The following SLIT3 variants were observed in gnomAD, a reference collection of about 807,000 sequenced individuals.
The protein encoded by SLIT3 is slit homolog 3 protein.
SLIT3 carries 68 observed loss-of-function variants against 184.0 expected under a neutral mutation model. That is an observed-to-expected ratio of 0.37 (90% CI 0.30 to 0.45). SLIT3 has a LOEUF of 0.45. Ranked by LOEUF, SLIT3 falls within the 20% of genes least tolerant of loss-of-function variation. SLIT3 has a pLI of 1.00. For missense variants in SLIT3, 1,707 were observed against 2,026.0 expected (o/e 0.84, Z 3.02); for synonymous variants, 831 against 828.6 (o/e 1.00, Z -0.05).
At chr5:168,752,335 C>A (rs11739018) in intron 18 of SLIT3, 40,121 of 152,392 alleles carry the variant, frequency 0.26, 5,766 homozygotes, top group African/African-American at 0.36. Flanking sequence ...TCAACAGCTA[C>A]CTCCCACTTA....
chr5:169,200,267 C>G lies in SLIT3; in HGVS notation c.342-6717G>C, dbSNP rs533346699. The stretch of plus-strand genomic sequence containing the variant: ...GGGCTGTCAGCTGCCCAATCAGGCC[C>G]GAGGGAGGAAGAAAGTCAAAGTGTG... On this transcript the variant is annotated intron_variant, in intron 3 of 35. Transcript: ENST00000519560. Among the ~76,000 whole-genome samples, 160 of 152,302 alleles carry G rather than the reference C, an allele frequency of 1.1e-3. 2 individuals are homozygous for G. Among genetic ancestry groups the G allele is most frequent in the Non-Finnish European group, 8.8e-5 (6 of 68,022 alleles).
chr5:169,257,529 C>T (rs551102953), intron 1 of SLIT3, among the ~76,000 whole-genome samples: 44 of 140,632 alleles, frequency 3.1e-4, no homozygotes, highest in African/African-American at 1.1e-3. Flanking sequence ...GCTTTCTATG[C>T]CTCCTTTTTT....
chr5:168,961,886 A>ATG (rs1223714757), intron 4 of SLIT3, among the ~76,000 whole-genome samples: 1 of 126,550 alleles, frequency 7.9e-6, no homozygotes, highest in African/African-American at 3.2e-5. Context: ...GTGTGTGTGT[A>ATG]TGTGTGAAAG....
intron 4 of SLIT3, among the ~76,000 whole-genome samples, chr5:168,887,301 T>G (rs1228143835): frequency 2.6e-5 from 4 of 152,176 alleles, no homozygotes; most frequent in African/African-American, 4.8e-5. Context: ...CTGTCTGTGT[T>G]AAATGGCAGT....
At chr5:168,939,718 AC>A (rs1762273349) in intron 4 of SLIT3, among the ~76,000 whole-genome samples, 1 of 152,234 alleles carries the variant, frequency 6.6e-6, no homozygotes, top group Non-Finnish European at 1.5e-5. Context: ...CACATTATCT[AC>A]TTTTATGCAA....
chr5:168,920,827 A>T (rs1001679646), intron 4 of SLIT3, among the ~76,000 whole-genome samples: 1 of 152,162 alleles, frequency 6.6e-6, no homozygotes, highest in African/African-American at 2.4e-5. Flanking sequence ...AAAAAACAGG[A>T]ATCAGAAATA....
chr5:169,147,912 C>A (rs560050679), intron 4 of SLIT3, among the ~76,000 whole-genome samples: 2 of 152,352 alleles, frequency 1.3e-5, no homozygotes, highest in East Asian at 3.9e-4. Context: ...CCTCCGTCTT[C>A]TCTCTGCCCC....
intron 4 of SLIT3, among the ~76,000 whole-genome samples, chr5:168,964,423 A>C (rs1190427671): frequency 6.6e-6 from 1 of 152,236 alleles, no homozygotes; most frequent in Non-Finnish European, 1.5e-5. Context: ...GCACTTCAAG[A>C]AAGCCTGGGG....
chr5:169,157,689 A>C (rs2113384075), intron 4 of SLIT3, among the ~76,000 whole-genome samples: 1 of 152,328 alleles, frequency 6.6e-6, no homozygotes, highest in South Asian at 2.1e-4. Flanking sequence ...ATAAGAAAAA[A>C]CCAACTTATA....
intron 4 of SLIT3, among the ~76,000 whole-genome samples, chr5:169,171,893 C>G (rs1333199554): frequency 2.0e-5 from 3 of 152,156 alleles, no homozygotes; most frequent in Non-Finnish European, 4.4e-5. Flanking sequence ...TCTCTGCCCC[C>G]TTGGGGCTAG....
intron 4 of SLIT3, among the ~76,000 whole-genome samples, chr5:169,174,412 G>C (rs1015546923): frequency 1.3e-5 from 2 of 152,216 alleles, no homozygotes; most frequent in Non-Finnish European, 2.9e-5. Flanking sequence ...GAAGTGAAGA[G>C]AGCATCTCTC....
chr5:168,846,383 T>G (rs1758469139), intron 5 of SLIT3, among the ~76,000 whole-genome samples: 1 of 152,166 alleles, frequency 6.6e-6, no homozygotes, highest in Non-Finnish European at 1.5e-5. Flanking sequence ...GAGCCTTTAT[T>G]CACACGGGTT....
Position 169,216,566 on chromosome 5 carries a change from G to T in SLIT3, c.342-23016C>A, listed in dbSNP as rs1764441352. On this transcript the variant is annotated intron_variant, in intron 3 of 35. Transcript: ENST00000519560. The stretch of plus-strand genomic sequence containing the variant: ...GCCAATTACCGAAAACACTTTCTTT[G>T]GCTGAAAAGCTCACCATTGAATCAG... Among the ~76,000 whole-genome samples the T allele has an allele frequency of 2.6e-5, 4 of 152,150 alleles. No homozygotes were observed. The South Asian group carries it at 8.3e-4, about 32-fold the overall frequency.
intron 4 of SLIT3, among the ~76,000 whole-genome samples, chr5:168,894,355 A>C (rs1252099789): frequency 2.0e-5 from 3 of 152,190 alleles, no homozygotes; most frequent in African/African-American, 4.8e-5. Context: ...GCTTTAAAAA[A>C]TTTAAGTGGA....
intron 3 of SLIT3, among the ~76,000 whole-genome samples, chr5:169,203,466 C>T (rs1332847253): frequency 2.6e-5 from 4 of 152,008 alleles, no homozygotes; most frequent in Non-Finnish European, 5.9e-5. Flanking sequence ...GGCAGTCAGA[C>T]CACTTGGCAA....
At chr5:168,851,915 G>C (rs988673451) in intron 5 of SLIT3, among the ~76,000 whole-genome samples, 1 of 152,208 alleles carries the variant, frequency 6.6e-6, no homozygotes, top group African/African-American at 2.4e-5. Context: ...TGCAGCTTCT[G>C]TAAAATGGGC....
At chr5:169,065,890 A>G (rs1355983235) in intron 4 of SLIT3, among the ~76,000 whole-genome samples, 1 of 152,216 alleles carries the variant, frequency 6.6e-6, no homozygotes, top group Non-Finnish European at 1.5e-5. Context: ...TATCATACAT[A>G]TAGTCTCTTA....
intron 4 of SLIT3, among the ~76,000 whole-genome samples, chr5:168,960,295 A>C (rs949799193): frequency 1.3e-5 from 2 of 152,210 alleles, no homozygotes; most frequent in African/African-American, 4.8e-5. Context: ...CAGAAGGCAG[A>C]AGTTAAGGAG....
chr5:169,141,729 ACT>A (rs1346015632), intron 4 of SLIT3, among the ~76,000 whole-genome samples: 2 of 138,398 alleles, frequency 1.4e-5, no homozygotes, highest in Non-Finnish European at 3.0e-5. Flanking sequence ...GCAGAGTGAG[ACT>A]CTGTCTCAAA....
Sources: allele counts gnomAD v4.1 joint callset (sites outside exome capture counted in the v4.1 genomes callset), GRCh38; gene constraint gnomAD v4.1.1; transcripts MANE v1.5; gene names NCBI Gene and HGNC (gene_info 2026-07-23, HGNC 2026-07-21).